PTPRN2: variants seen among roughly 807,000 people sequenced by gnomAD.
The protein encoded by PTPRN2 is protein tyrosine phosphatase receptor type N2, also known as receptor-type tyrosine-protein phosphatase N2.
PTPRN2 carries 74 observed loss-of-function variants against 118.8 expected under a neutral mutation model. That is an observed-to-expected ratio of 0.62 (90% CI 0.52 to 0.76). PTPRN2 has a LOEUF of 0.76. Ranked by LOEUF, PTPRN2 falls within the 30% of genes least tolerant of loss-of-function variation. The pLI, the probability that PTPRN2 is intolerant of heterozygous loss-of-function variation, is 0.00. For synonymous variants in PTPRN2, 641 were observed against 608.0 expected (o/e 1.05, Z -0.80); for missense variants, 1,481 against 1,394.4 (o/e 1.06, Z -0.99).
intron 12 of PTPRN2, among the ~76,000 whole-genome samples, chr7:157,805,954 G>C (rs1805604940): frequency 6.6e-6 from 1 of 152,154 alleles, no homozygotes; most frequent in South Asian, 2.1e-4. Context: ...GTGTGCACCG[G>C]CTGGGTGACG....
At chr7:158,289,758 C>T (rs968001141) in intron 3 of PTPRN2, among the ~76,000 whole-genome samples, 6 of 152,078 alleles carry the variant, frequency 3.9e-5, no homozygotes, top group African/African-American at 9.7e-5. Flanking sequence ...TGTTGCCTTA[C>T]GTTGATGTCT....
intron 11 of PTPRN2, among the ~76,000 whole-genome samples, chr7:158,034,449 T>C (rs542638329): frequency 6.6e-6 from 1 of 152,322 alleles, no homozygotes; most frequent in African/African-American, 2.4e-5. Context: ...TGAATAGGTC[T>C]CACAAGATCT....
chr7:158,062,794 T>A (rs1478763240), intron 11 of PTPRN2, among the ~76,000 whole-genome samples: 1 of 152,206 alleles, frequency 6.6e-6, no homozygotes, highest in Non-Finnish European at 1.5e-5. Context: ...TTGCTGGGCC[T>A]CAGCTGCCTC....
At chr7:158,407,107 T>C (rs1813509923) in intron 2 of PTPRN2, among the ~76,000 whole-genome samples, 1 of 151,368 alleles carries the variant, frequency 6.6e-6, no homozygotes, top group Non-Finnish European at 1.5e-5. Flanking sequence ...AGCCCAGCCC[T>C]GGGTCCTGCG....
Position 157,596,690 on chromosome 7 carries a change from C to T in PTPRN2, c.2419-1375G>A, listed in dbSNP as rs1376779108. Among the ~76,000 whole-genome samples the T allele has an allele frequency of 2.0e-5, 3 of 152,114 alleles. No individual in the cohort carries two copies. The highest frequency in any genetic ancestry group is 7.2e-5 in the African/African-American group (3 of 41,420). The stretch of plus-strand genomic sequence containing the variant: ...CACCTCCCAGAAGCATCTGCAGAGA[C>T]CGACCCCCGGAGAGCCGGATGCTGC... On this transcript the variant is annotated intron_variant, in intron 16 of 22. Transcript: ENST00000389418. The surrounding 1 kb of genome is among the most constrained non-coding windows in gnomAD (Gnocchi z 4.2).
At chr7:158,162,515 G>A (rs1414177657) in intron 6 of PTPRN2, among the ~76,000 whole-genome samples, 1 of 152,104 alleles carries the variant, frequency 6.6e-6, no homozygotes, top group African/African-American at 2.4e-5. Context: ...ATATTGTAAG[G>A]TTCCAACTCC....
At position 157,583,433 on chromosome 7, in the gene PTPRN2, A is replaced by G. The variant is rs537826499; in HGVS notation, c.2497-5293T>C. On this transcript the variant is annotated intron_variant, in intron 17 of 22. Transcript: ENST00000389418. This position sits in a 1 kb window ranked among gnomAD's most constrained non-coding sequence, Gnocchi z 5.5. ...TGTAGTTAATAAGAGTGTTGGGCAC[A>G]GAGATTTGCCAGGAGAGTAGGCTTC... is the stretch of plus-strand genomic sequence containing the variant. Among the ~76,000 whole-genome samples the G allele has an allele frequency of 6.6e-6, 1 of 152,268 alleles. No individual in the cohort carries two copies. Among genetic ancestry groups the G allele is most frequent in the Non-Finnish European group, 1.5e-5 (1 of 67,996 alleles).
intron 2 of PTPRN2, among the ~76,000 whole-genome samples, chr7:158,378,607 C>T (rs779681733): frequency 6.6e-6 from 1 of 152,160 alleles, no homozygotes; most frequent in Non-Finnish European, 1.5e-5. Flanking sequence ...ACTCTTGGTT[C>T]TCTGCCTTGA....
chr7:158,445,605 G>A (rs899139333), intron 2 of PTPRN2, among the ~76,000 whole-genome samples: 2 of 152,200 alleles, frequency 1.3e-5, no homozygotes, highest in African/African-American at 4.8e-5. Context: ...CCCATAACGG[G>A]GCCGTCCTCC....
chr7:158,137,839 T>G (rs903037483), intron 7 of PTPRN2, among the ~76,000 whole-genome samples: 1 of 152,156 alleles, frequency 6.6e-6, no homozygotes, highest in African/African-American at 2.4e-5. Flanking sequence ...CCATGGGGCC[T>G]CCACAGGGCT....
intron 17 of PTPRN2, among the ~76,000 whole-genome samples, chr7:157,593,366 C>A (rs990174797): frequency 6.6e-5 from 10 of 152,136 alleles, no homozygotes; most frequent in Non-Finnish European, 1.3e-4. Context: ...GCCCTCCAGA[C>A]CCTGTGGCTT....
chr7:157,863,314 G>A (rs924003788), intron 12 of PTPRN2: 4 of 152,242 alleles, frequency 2.6e-5, no homozygotes, highest in Non-Finnish European at 5.9e-5. Flanking sequence ...GCTTTTACAG[G>A]TCTCACGGAG....
intron 12 of PTPRN2, among the ~76,000 whole-genome samples, chr7:157,848,217 G>T (rs555564297): frequency 7.2e-6 from 1 of 138,402 alleles, no homozygotes; most frequent in Non-Finnish European, 1.5e-5. Context: ...CATGGGTGCC[G>T]TATGTTTACA....
intron 2 of PTPRN2, among the ~76,000 whole-genome samples, chr7:158,367,580 T>G (rs2151308721): frequency 6.6e-6 from 1 of 152,298 alleles, no homozygotes; most frequent in Middle Eastern, 3.4e-3. Flanking sequence ...CACCATGGGT[T>G]AGCTCTCCGC....
At chr7:158,534,516 T>C (rs1825521684) in intron 1 of PTPRN2, among the ~76,000 whole-genome samples, 1 of 152,136 alleles carries the variant, frequency 6.6e-6, no homozygotes, top group South Asian at 2.1e-4. Flanking sequence ...CCAAACGCAG[T>C]GGGATCAGGC....
At chr7:157,965,954 T>G (rs1801894037) in intron 11 of PTPRN2, among the ~76,000 whole-genome samples, 1 of 152,186 alleles carries the variant, frequency 6.6e-6, no homozygotes. Flanking sequence ...ACCAGCACCG[T>G]GGAATCAGCT....
chr7:158,226,266 C>T (rs1256198921), intron 3 of PTPRN2, among the ~76,000 whole-genome samples: 1 of 152,036 alleles, frequency 6.6e-6, no homozygotes, highest in Non-Finnish European at 1.5e-5. Context: ...TCAGAGAACA[C>T]TAGTGTGGAT....
chr7:157,922,139 G>A (rs1798724565), intron 11 of PTPRN2, among the ~76,000 whole-genome samples: 1 of 152,202 alleles, frequency 6.6e-6, no homozygotes, highest in Admixed American at 6.5e-5. Flanking sequence ...TAGGTAAAGG[G>A]CATTCTCCAT....
chr7:158,318,671 G>A (rs76655831), intron 2 of PTPRN2, among the ~76,000 whole-genome samples: 3,690 of 152,308 alleles, frequency 0.024, 161 homozygotes, highest in African/African-American at 0.084. Flanking sequence ...GAAGGAAGGC[G>A]CTCTCGGCCG....
Sources: gnomAD v4.1 joint callset for allele counts (sites outside exome capture counted in the v4.1 genomes callset) on GRCh38, gnomAD v4.1.1 for gene constraint, Gnocchi (gnomAD v3.1) non-coding constraint, MANE v1.5 for transcripts, NCBI Gene and HGNC (gene_info 2026-07-23, HGNC 2026-07-21) for gene names.